RAB31: variants seen among roughly 807,000 people sequenced by gnomAD.
RAB31 encodes RAB31, member RAS oncogene family, also known as ras-related protein Rab-31.
In RAB31, 21 loss-of-function variants were observed where a neutral mutation model predicts 25.6. That is an observed-to-expected ratio of 0.82 (90% CI 0.58 to 1.18). The LOEUF is 1.18. Ranked by LOEUF, RAB31 falls within the 50% of genes most tolerant of loss-of-function variation. The pLI is 0.00. For missense variants in RAB31, 196 were observed against 250.1 expected (o/e 0.78, Z 1.46); for synonymous variants, 87 against 84.0 (o/e 1.04, Z -0.20).
chr18:9,830,757 C>T (rs1361055516), intron 5 of RAB31: 1 of 152,188 alleles, frequency 6.6e-6, no homozygotes, highest in Non-Finnish European at 1.5e-5. Flanking sequence ...TATTTCCATA[C>T]CTCCAAGATC....
chr18:9,782,703 G>C (rs1052035139), intron 2 of RAB31, among the ~76,000 whole-genome samples: 8 of 152,070 alleles, frequency 5.3e-5, no homozygotes, highest in Non-Finnish European at 1.2e-4. Flanking sequence ...GTTCTTATTT[G>C]TTTATTTGTT....
At chr18:9,798,496 AC>A (rs969219080) in intron 3 of RAB31, among the ~76,000 whole-genome samples, 3 of 152,096 alleles carry the variant, frequency 2.0e-5, no homozygotes, top group African/African-American at 7.2e-5. Flanking sequence ...GAATTTTATT[AC>A]CCCTCTTTAT....
At chr18:9,784,346 T>C (rs1350079714) in intron 2 of RAB31, among the ~76,000 whole-genome samples, 1 of 151,732 alleles carries the variant, frequency 6.6e-6, no homozygotes, top group Admixed American at 6.6e-5. Context: ...GGCTCTACTT[T>C]TTAAAAATTA....
chr18:9,718,591 A>G (rs1486213760), intron 1 of RAB31, among the ~76,000 whole-genome samples: 1 of 152,252 alleles, frequency 6.6e-6, no homozygotes, highest in Non-Finnish European at 1.5e-5. Context: ...AAACTTCTAA[A>G]GAGCTAATTT....
intron 2 of RAB31, among the ~76,000 whole-genome samples, chr18:9,790,949 T>G (rs1568179902): frequency 6.6e-6 from 1 of 152,216 alleles, no homozygotes; most frequent in Non-Finnish European, 1.5e-5. Flanking sequence ...TTTATACTGT[T>G]CATGAGCACA....
chr18:9,720,910 C>T (rs1206327857), intron 1 of RAB31, among the ~76,000 whole-genome samples: 2 of 152,006 alleles, frequency 1.3e-5, no homozygotes, highest in African/African-American at 4.8e-5. Context: ...GGTGAAATGA[C>T]AGGTCTGGCA....
At chr18:9,767,186 C>CAT (rs1335016277) in intron 1 of RAB31, among the ~76,000 whole-genome samples, 1 of 152,192 alleles carries the variant, frequency 6.6e-6, no homozygotes, top group Non-Finnish European at 1.5e-5. Flanking sequence ...ATAGGCAAAT[C>CAT]ATATTCTCTC....
At chr18:9,743,473 G>T (rs2068190022) in intron 1 of RAB31, among the ~76,000 whole-genome samples, 1 of 152,160 alleles carries the variant, frequency 6.6e-6, no homozygotes, top group African/African-American at 2.4e-5. Context: ...TTTCCTGGCG[G>T]GTTGATTCAC....
chr18:9,845,311 G>A (rs1359015023), intron 5 of RAB31, among the ~76,000 whole-genome samples: 4 of 152,156 alleles, frequency 2.6e-5, no homozygotes, highest in East Asian at 1.9e-4. Context: ...TGCCATATTT[G>A]TCATGGTTTT....
At chr18:9,808,601 C>T (rs2068554081) in intron 3 of RAB31, among the ~76,000 whole-genome samples, 1 of 152,196 alleles carries the variant, frequency 6.6e-6, no homozygotes, top group African/African-American at 2.4e-5. Flanking sequence ...TTCTTCTACC[C>T]CTTCTCTCTT....
chr18:9,756,861 A>T (rs2068262436), intron 1 of RAB31, among the ~76,000 whole-genome samples: 1 of 152,202 alleles, frequency 6.6e-6, no homozygotes, highest in Non-Finnish European at 1.5e-5. Context: ...ATTGGCTCCC[A>T]TTGCCCTCAG....
rs2068000670 is a variant in RAB31 at position 9,708,846 on chromosome 18, G to C, written c.39+402G>C. Among the ~76,000 whole-genome samples the C allele has an allele frequency of 6.6e-6, 1 of 152,240 alleles. No individual in the cohort carries two copies. Among genetic ancestry groups the C allele is most frequent in the Admixed American group, 6.5e-5 (1 of 15,292 alleles). Reference sequence around the variant, plus strand: ...AGCGGGGACGGGGCAGTGGCGGCGAGTCTGGGGCCCCGAGGGCTTTCTCCT... The same window carrying C: ...AGCGGGGACGGGGCAGTGGCGGCGACTCTGGGGCCCCGAGGGCTTTCTCCT... On this transcript the variant is annotated intron_variant, in intron 1 of 6. Transcript: ENST00000578921. The surrounding 1 kb of genome is among the most constrained non-coding windows in gnomAD (Gnocchi z 6.4).
chr18:9,773,220 A>T (rs2068354529), intron 1 of RAB31, among the ~76,000 whole-genome samples: 1 of 152,208 alleles, frequency 6.6e-6, no homozygotes, highest in African/African-American at 2.4e-5. Flanking sequence ...CCCCAAACAC[A>T]GGGCTGAGAA....
At chr18:9,782,366 C>T (rs1043491049) in intron 2 of RAB31, among the ~76,000 whole-genome samples, 13 of 152,238 alleles carry the variant, frequency 8.5e-5, no homozygotes, top group Non-Finnish European at 1.0e-4. Flanking sequence ...AAAGCCCACC[C>T]TTGTTCTTCC....
At chr18:9,779,961 G>A (rs1311059204) in intron 2 of RAB31, among the ~76,000 whole-genome samples, 1 of 152,102 alleles carries the variant, frequency 6.6e-6, no homozygotes. Flanking sequence ...GAACATTTGA[G>A]CCCAGGAGTT....
intron 6 of RAB31, among the ~76,000 whole-genome samples, chr18:9,848,329 C>T (rs925860034): frequency 1.3e-5 from 2 of 151,956 alleles, no homozygotes; most frequent in Admixed American, 6.6e-5. Context: ...TCTAGCTGTC[C>T]ATCTGTCTAT....
At chr18:9,734,874 G>T in intron 1 of RAB31, 1 of 260,830 alleles carries the variant, frequency 3.8e-6, no homozygotes, top group Non-Finnish European at 8.0e-6. Flanking sequence ...AATCTTCTCA[G>T]CTCATCAGAA....
chr18:9,828,860 C>T (rs1007294048), intron 5 of RAB31, among the ~76,000 whole-genome samples: 3 of 152,108 alleles, frequency 2.0e-5, no homozygotes, highest in East Asian at 1.9e-4. Flanking sequence ...GTTAAATGCA[C>T]GATGCGTTTT....
intron 3 of RAB31, among the ~76,000 whole-genome samples, chr18:9,794,280 C>T (rs1037914197): frequency 1.8e-4 from 28 of 152,156 alleles, no homozygotes; most frequent in Admixed American, 3.9e-4. Flanking sequence ...TTATCATCTC[C>T]TAACTAATCA....
Sources: gnomAD v4.1 joint callset for allele counts (sites outside exome capture counted in the v4.1 genomes callset) on GRCh38, gnomAD v4.1.1 for gene constraint, Gnocchi (gnomAD v3.1) non-coding constraint, MANE v1.5 for transcripts, NCBI Gene and HGNC (gene_info 2026-07-23, HGNC 2026-07-21) for gene names.